PRRX1: variants seen among roughly 807,000 people sequenced by gnomAD.
The protein encoded by PRRX1 is paired mesoderm homeobox protein 1.
In PRRX1, 8 loss-of-function variants were observed where a neutral mutation model predicts 24.0. The ratio of observed to expected loss-of-function variants is 0.33; its 90% CI spans 0.20 to 0.60. The LOEUF is 0.60. Among genes scored for constraint, PRRX1 ranks in the 20% least tolerant of loss-of-function variants. The probability of loss-of-function intolerance (pLI) is 0.82; values close to 1 mark genes in which losing one functional copy is unlikely to be tolerated. For synonymous variants in PRRX1, 160 were observed against 131.7 expected, an observed-to-expected ratio of 1.22 and a Z score of -1.47; for missense variants, 281 against 322.4, an observed-to-expected ratio of 0.87 and a Z score of 0.98.
chr1:170,700,970 A>G (rs1008334056), intron 1 of PRRX1, among the ~76,000 whole-genome samples: 5 of 152,240 alleles, frequency 3.3e-5, no homozygotes, highest in Non-Finnish European at 7.3e-5. Flanking sequence ...AACTCTTGAA[A>G]TTAGGACAGT....
upstream of PRRX1, chr1:170,662,773 GAGA>G (rs904440844): frequency 6.6e-6 from 1 of 151,710 alleles, no homozygotes; most frequent in Admixed American, 6.6e-5. Context: ...AAGGCAGAAG[GAGA>G]AGAAAATTTG....
At chr1:170,677,971 T>C (rs1247504356) in intron 1 of PRRX1, among the ~76,000 whole-genome samples, 1 of 152,220 alleles carries the variant, frequency 6.6e-6, no homozygotes, top group African/African-American at 2.4e-5. Flanking sequence ...ACATAGCTAG[T>C]AAATTTCTGG....
At chr1:170,680,958 A>T (rs1245936259) in intron 1 of PRRX1, among the ~76,000 whole-genome samples, 1 of 152,240 alleles carries the variant, frequency 6.6e-6, no homozygotes, top group Non-Finnish European at 1.5e-5. Context: ...TCAATGAAAC[A>T]ACAAAGGCAG....
intron 1 of PRRX1, among the ~76,000 whole-genome samples, chr1:170,703,355 A>G (rs1024447483): frequency 1.3e-5 from 2 of 151,760 alleles, no homozygotes; most frequent in African/African-American, 2.4e-5. Flanking sequence ...TGGTCTCCTC[A>G]TCTGCAAGAC....
chr1:170,677,835 C>T (rs946416658), intron 1 of PRRX1, among the ~76,000 whole-genome samples: 13 of 152,300 alleles, frequency 8.5e-5, no homozygotes, highest in Admixed American at 7.2e-4. Context: ...AAAGATTTTA[C>T]AGGGATTTAA....
intron 2 of PRRX1, among the ~76,000 whole-genome samples, chr1:170,721,725 T>A (rs1175855134): frequency 2.6e-5 from 4 of 152,158 alleles, no homozygotes; most frequent in African/African-American, 7.2e-5. Flanking sequence ...CCATTCGCCA[T>A]CCAGTGCAGA....
intron 1 of PRRX1, among the ~76,000 whole-genome samples, chr1:170,694,889 T>TAAGAATTAAGAGG (rs1328620921): frequency 7.9e-5 from 12 of 152,144 alleles, no homozygotes; most frequent in African/African-American, 2.9e-4. Context: ...ACGGTAGACT[T>TAAGAATTAAGAGG]AAGAATTAAG....
intron 1 of PRRX1, among the ~76,000 whole-genome samples, chr1:170,706,252 A>G (rs1011879450): frequency 1.8e-4 from 28 of 152,354 alleles, no homozygotes; most frequent in African/African-American, 6.5e-4. Context: ...GGAATTACAC[A>G]GTGTCTAGTT....
At chr1:170,730,797 T>G (rs996825901) in intron 3 of PRRX1, among the ~76,000 whole-genome samples, 3 of 152,212 alleles carry the variant, frequency 2.0e-5, no homozygotes, top group African/African-American at 7.2e-5. Flanking sequence ...TGCTCTCTTA[T>G]GCAGCTTTGT....
chr1:170,699,780 G>A (rs1654295027), intron 1 of PRRX1, among the ~76,000 whole-genome samples: 2 of 151,926 alleles, frequency 1.3e-5, no homozygotes, highest in Non-Finnish European at 2.9e-5. Context: ...CTGTCACCTA[G>A]GCTGGAGTGT....
chr1:170,714,553 T>C (rs1174400197), intron 1 of PRRX1, among the ~76,000 whole-genome samples: 1 of 117,294 alleles, frequency 8.5e-6, no homozygotes, highest in Non-Finnish European at 1.8e-5. Context: ...ATTTTATTCC[T>C]AAAATATGTT....
chr1:170,687,883 C>G (rs1241209662), intron 1 of PRRX1, among the ~76,000 whole-genome samples: 1 of 151,864 alleles, frequency 6.6e-6, no homozygotes, highest in Non-Finnish European at 1.5e-5. Flanking sequence ...CAGGAGACAC[C>G]GGGGTCAAAG....
chr1:170,687,541 GTCGCCC>G (rs1653785522), intron 1 of PRRX1, among the ~76,000 whole-genome samples: 1 of 152,168 alleles, frequency 6.6e-6, no homozygotes, highest in Admixed American at 6.5e-5. Flanking sequence ...GTTCTATGAA[GTCGCCC>G]TCTGAGCCTC....
At chr1:170,698,015 G>A (rs1050097337) in intron 1 of PRRX1, among the ~76,000 whole-genome samples, 6 of 151,724 alleles carry the variant, frequency 4.0e-5, no homozygotes, top group African/African-American at 1.5e-4. Flanking sequence ...TCCAAGATCA[G>A]TATCATCATC....
chr1:170,678,673 G>A (rs868420935), intron 1 of PRRX1, among the ~76,000 whole-genome samples: 3 of 152,176 alleles, frequency 2.0e-5, no homozygotes, highest in African/African-American at 7.2e-5. Context: ...GTTCTTTGGA[G>A]CACATGAAGC....
In PRRX1 at chr1:170,664,316, ACTT is replaced by A. The variant is rs1558040122; in HGVS notation, c.101_103del (p.Phe34del). 3 of 1,613,856 alleles carry A rather than the reference ACTT, an allele frequency of 1.9e-6. No homozygotes were observed. Among genetic ancestry groups the A allele is most frequent in the East Asian group, 2.2e-5 (1 of 44,850 alleles). Reference sequence around the variant, plus strand: ...CTCGACACCCTGCAGGCGAAAAAGAACTTCTCCGTCAGTCACCTGCTAGACCTG... The same window carrying A: ...CTCGACACCCTGCAGGCGAAAAAGAACTCCGTCAGTCACCTGCTAGACCTG... On this transcript the variant is annotated inframe_deletion, in exon 1 of 4. Transcript: ENST00000239461.
In PRRX1 at chr1:170,717,744, T is replaced by C. The variant is rs116553587; in HGVS notation, c.242-1982T>C. Reference sequence around the variant, plus strand: ...GAAAAATGAATAGGAATGGGAGGAATGCTTCCAAATATTAAATAGGAAGGA... The same window carrying C: ...GAAAAATGAATAGGAATGGGAGGAACGCTTCCAAATATTAAATAGGAAGGA... On this transcript the variant is annotated intron_variant, in intron 1 of 3. Coordinates refer to ENST00000239461, the MANE Select transcript of PRRX1 (RefSeq NM_022716.4). 2.5e-3 allele frequency among the ~76,000 whole-genome samples: 381 copies of C among 152,250 alleles called. 5 individuals carry two copies. The highest frequency in any genetic ancestry group is 8.8e-3 in the African/African-American group (365 of 41,558).
chr1:170,705,113 C>G (rs958730975), intron 1 of PRRX1, among the ~76,000 whole-genome samples: 1 of 151,878 alleles, frequency 6.6e-6, no homozygotes, highest in Admixed American at 6.6e-5. Context: ...TAAATGTACC[C>G]CATTCTTTTT....
intron 1 of PRRX1, among the ~76,000 whole-genome samples, chr1:170,715,033 T>G (rs1205532774): frequency 6.6e-6 from 1 of 152,182 alleles, no homozygotes; most frequent in Non-Finnish European, 1.5e-5. Context: ...GCAGCCGCTT[T>G]TCTAGTAAAA....
Sources: allele counts gnomAD v4.1 joint callset (sites outside exome capture counted in the v4.1 genomes callset), GRCh38; gene constraint gnomAD v4.1.1; transcripts MANE v1.5; gene names NCBI Gene and HGNC (gene_info 2026-07-23, HGNC 2026-07-21).